Variants in RYR3 observed in about 807,000 individuals in gnomAD.
RYR3 encodes brain ryanodine receptor-calcium release channel.
RYR3 carries 207 observed loss-of-function variants against 584.3 expected under a neutral mutation model. The observed-to-expected ratio is 0.35, with a 90% CI of 0.32 to 0.40. RYR3 has a LOEUF of 0.40. Ranked by LOEUF, RYR3 falls within the 10% of genes least tolerant of loss-of-function variation. RYR3 has a pLI of 1.00. For synonymous variants in RYR3, 2,416 were observed against 2,248.5 expected (o/e 1.07, Z -2.11); for missense variants, 5,616 against 6,089.2 (o/e 0.92, Z 2.59).
chr15:33,858,877 A>G (rs1310350667), intron 99 of RYR3: 1 of 152,496 alleles, frequency 6.6e-6, no homozygotes, highest in Non-Finnish European at 1.5e-5. Context: ...ACACTTCTTG[A>G]CGAAAAACTC....
intron 12 of RYR3, among the ~76,000 whole-genome samples, chr15:33,567,535 T>G (rs1323192982): frequency 6.6e-6 from 1 of 152,212 alleles, no homozygotes; most frequent in African/African-American, 2.4e-5. Flanking sequence ...AAGGGATGTG[T>G]ATTAGGAAAT....
chr15:33,609,592 G>A (rs975941661), intron 18 of RYR3, among the ~76,000 whole-genome samples: 6 of 152,246 alleles, frequency 3.9e-5, no homozygotes, highest in African/African-American at 9.6e-5. Flanking sequence ...GGCAGAGGTT[G>A]CAGTGAGCCG....
At chr15:33,557,744 T>C (rs2057161191) in intron 10 of RYR3, among the ~76,000 whole-genome samples, 1 of 152,114 alleles carries the variant, frequency 6.6e-6, no homozygotes, top group South Asian at 2.1e-4. Context: ...AACTTGATCA[T>C]CTCCAGCCAA....
intron 1 of RYR3, among the ~76,000 whole-genome samples, chr15:33,315,991 T>C (rs1210762360): frequency 1.3e-5 from 2 of 152,206 alleles, no homozygotes; most frequent in Admixed American, 1.3e-4. Flanking sequence ...TTTTTTCTTA[T>C]GCTACTATGA....
intron 6 of RYR3, among the ~76,000 whole-genome samples, chr15:33,539,814 AT>A (rs1462978241): frequency 1.3e-5 from 2 of 152,268 alleles, no homozygotes; most frequent in East Asian, 3.9e-4. Flanking sequence ...TAAGGAAATC[AT>A]AAGGAAGAGA....
At chr15:33,552,446 G>A (rs945955189) in intron 10 of RYR3, among the ~76,000 whole-genome samples, 2 of 152,174 alleles carry the variant, frequency 1.3e-5, no homozygotes, top group African/African-American at 2.4e-5. Context: ...TACCACGGGG[G>A]CCATCGGCAT....
At chr15:33,840,127 A>G (rs1018514914) in intron 89 of RYR3, among the ~76,000 whole-genome samples, 2 of 152,212 alleles carry the variant, frequency 1.3e-5, no homozygotes, top group African/African-American at 4.8e-5. Flanking sequence ...CCCAACAGAA[A>G]TAGGTAGAGG....
chr15:33,812,937 G>A lies in RYR3; in HGVS notation c.10332G>A (p.Pro3444=), dbSNP rs753467987. 1.6e-5 allele frequency: 26 copies of A among 1,613,696 alleles called. No individual in the cohort carries two copies. The highest frequency in any genetic ancestry group is 2.0e-5 in the Non-Finnish European group (24 of 1,179,790). ...DVLKSEEPFN[P]EKTVERVQRI... is the part of the protein sequence containing the mutation. ...TGAAGAGTGAAGAACCTTTCAATCC[G>A]GAAAAGACAGTGGAGCGTGTGCAGA... The change falls in exon 73 of 104, where the codon CCG becomes CCA. Residue 3444 remains proline (P), a synonymous_variant. Transcript: ENST00000634891.
At chr15:33,799,601 C>T (rs2075811188) in intron 67 of RYR3, among the ~76,000 whole-genome samples, 2 of 152,174 alleles carry the variant, frequency 1.3e-5, no homozygotes, top group Admixed American at 1.3e-4. Context: ...TTGGTTGTGT[C>T]CTTTATAATA....
intron 55 of RYR3, among the ~76,000 whole-genome samples, 153 bp from the exon 56 acceptor site, chr15:33,749,826 C>T (rs1037703753): frequency 6.6e-6 from 1 of 152,164 alleles, no homozygotes; most frequent in Non-Finnish European, 1.5e-5. Context: ...GGTACATAAG[C>T]ACACACTAAT....
At position 33,388,197 on chromosome 15, in the gene RYR3, G is replaced by A. The variant is rs986779050; in HGVS notation, c.51+77101G>A. On this transcript the variant is annotated intron_variant, in intron 1 of 103. Coordinates refer to ENST00000634891, the MANE Select transcript of RYR3 (RefSeq NM_001036.6). ...AACCATAGCAACAAAGGATGTGATA[G>A]TTGATAAAGTAAAACTTTAAGTTTT... is the stretch of plus-strand genomic sequence containing the variant. Among the ~76,000 whole-genome samples, 5 of 152,310 alleles carry A rather than the reference G, an allele frequency of 3.3e-5. No homozygotes were observed. The East Asian group carries it at 9.6e-4, about 29-fold the overall frequency.
At chr15:33,620,840 G>A (rs932123515) in intron 19 of RYR3, among the ~76,000 whole-genome samples, 4 of 152,200 alleles carry the variant, frequency 2.6e-5, no homozygotes, top group Admixed American at 2.6e-4. Context: ...CAATCTGCCT[G>A]CTGAGGGCAC....
In RYR3 at chr15:33,495,774, A is replaced by G. The variant is rs2572163; in HGVS notation, c.172-7857A>G. On this transcript the variant is annotated intron_variant, in intron 2 of 103. Coordinates refer to ENST00000634891, the MANE Select transcript of RYR3 (RefSeq NM_001036.6). ...AACTATCAACAACTTTCCAGAGGTC[A>G]CAAAGGTAGGCTTAAAAAGCATTTA... Among the ~76,000 whole-genome samples, 1,125 of 152,330 alleles carry G rather than the reference A, an allele frequency of 7.4e-3. 17 individuals carry two copies. The highest frequency in any genetic ancestry group is 0.025 in the African/African-American group (1,023 of 41,560).
rs779775918 is a variant in RYR3 at position 33,652,712 on chromosome 15, T to G, written c.4143-6T>G. On this transcript the variant is annotated splice_polypyrimidine_tract_variant and splice_region_variant and intron_variant, in intron 31 of 103. Transcript: ENST00000634891. ...ATTCTGTGCCTTTTCCTGTCTTGGC[T>G]CCTAGTGTGAAACGCAGCAACTGCT... 1 of 1,612,744 alleles carries G rather than the reference T, an allele frequency of 6.2e-7. No individual in the cohort carries two copies. Among genetic ancestry groups the G allele is most frequent in the Non-Finnish European group, 8.5e-7 (1 of 1,179,364 alleles).
chr15:33,611,109 C>T (rs970083362), intron 18 of RYR3, among the ~76,000 whole-genome samples: 2 of 152,100 alleles, frequency 1.3e-5, no homozygotes, highest in Non-Finnish European at 2.9e-5. Flanking sequence ...TCATATCCAT[C>T]AGGTGGGGAT....
intron 24 of RYR3, among the ~76,000 whole-genome samples, chr15:33,633,827 A>G (rs2061377213): frequency 6.6e-6 from 1 of 152,246 alleles, no homozygotes; most frequent in Admixed American, 6.5e-5. Flanking sequence ...GTCCTCTGCC[A>G]TGAAATGAAC....
At chr15:33,633,389 A>C (rs1339829897) in intron 24 of RYR3, among the ~76,000 whole-genome samples, 1 of 152,206 alleles carries the variant, frequency 6.6e-6, no homozygotes, top group Non-Finnish European at 1.5e-5. Flanking sequence ...AGCCTGCCCA[A>C]AAGCTTTTGC....
intron 44 of RYR3, among the ~76,000 whole-genome samples, chr15:33,723,546 A>G (rs1038451704): frequency 1.3e-5 from 2 of 152,224 alleles, no homozygotes; most frequent in African/African-American, 4.8e-5. Flanking sequence ...GAGAGTGGGC[A>G]TAACCCAGCA....
rs112984056 is a variant in RYR3, at chr15:33,574,728, A to C, written c.1269-5248A>C. Among the ~76,000 whole-genome samples, 602 of 152,292 alleles carry C rather than the reference A, an allele frequency of 4.0e-3. 4 individuals are homozygous for C. The highest frequency in any genetic ancestry group is 0.014 in the African/African-American group (562 of 41,558). ...GCATGTATGCAGATTAATATTTAGC[A>C]GTTGGTGAATAAGCAAATATACTGT... is the stretch of plus-strand genomic sequence containing the variant. On this transcript the variant is annotated intron_variant, in intron 12 of 103. Coordinates refer to ENST00000634891, the MANE Select transcript of RYR3 (RefSeq NM_001036.6).
Sources: allele counts gnomAD v4.1 joint callset (sites outside exome capture counted in the v4.1 genomes callset), GRCh38; gene constraint gnomAD v4.1.1; transcripts MANE v1.5; gene names NCBI Gene and HGNC (gene_info 2026-07-23, HGNC 2026-07-21).